The following PATJ variants were observed in gnomAD, a reference collection of about 807,000 sequenced individuals.
The protein encoded by PATJ is inaD-like protein.
PATJ carries 190 observed loss-of-function variants against 224.9 expected under a neutral mutation model. That is an observed-to-expected ratio of 0.84 (90% CI 0.75 to 0.95). The LOEUF (loss-of-function observed/expected upper bound fraction) is 0.95, where lower values mean the gene tolerates loss of function less well. Ranked by LOEUF, PATJ falls within the 40% of genes least tolerant of loss-of-function variation. PATJ has a pLI of 0.00. For missense variants in PATJ, 2,121 were observed against 2,270.3 expected, an observed-to-expected ratio of 0.93 and a Z score of 1.34; for synonymous variants, 769 against 820.3, an observed-to-expected ratio of 0.94 and a Z score of 1.07.
intron 31 of PATJ, among the ~76,000 whole-genome samples, chr1:62,063,454 AT>A (rs368989546): frequency 1.8e-3 from 266 of 148,222 alleles, no homozygotes; most frequent in South Asian, 3.4e-3. Flanking sequence ...CTCTGGCTTC[AT>A]TTTTTTTTTC....
chr1:61,870,964 T>C (rs1666244306), intron 20 of PATJ, among the ~76,000 whole-genome samples: 1 of 152,106 alleles, frequency 6.6e-6, no homozygotes, highest in Admixed American at 6.5e-5. Flanking sequence ...TCCTAACAAT[T>C]AGTGATATTG....
Position 61,864,534 on chromosome 1 carries a change from G to A in PATJ, c.2736G>A (p.Trp912Ter). ...ATGAACTTCACTTTGGTACACAGTG[G>A]TTGCATGATAATGAACCATCCGAGT... ...SVNELHFGTQ[W>*]LHDNEPSESQ... The change falls in exon 20 of 44, where the codon TGG (tryptophan) becomes TGA (stop). Residue 912 changes from tryptophan to a stop codon, truncating the protein, a stop_gained. Transcript: ENST00000642238. LOFTEE classifies it high-confidence loss of function. The A allele has an allele frequency of 6.2e-7, 1 of 1,613,614 alleles. No homozygotes were observed. Among genetic ancestry groups the A allele is most frequent in the Non-Finnish European group, 8.5e-7 (1 of 1,179,750 alleles).
chr1:62,163,546 C>T lies in PATJ; in HGVS notation c.*2492C>T, dbSNP rs543122276. Reference sequence around the variant, plus strand: ...TTCTTTATACATTATCCTTTTAGGTCGTGCTAGTAAAAGTATATTGATGAA... The same window carrying T: ...TTCTTTATACATTATCCTTTTAGGTTGTGCTAGTAAAAGTATATTGATGAA... On this transcript the variant is annotated 3_prime_UTR_variant, in exon 44 of 44. Coordinates refer to ENST00000642238, the MANE Select transcript of PATJ (RefSeq NM_001350145.3). 2 of 152,634 alleles carry T rather than the reference C, an allele frequency of 1.3e-5. No individual in the cohort carries two copies. Among genetic ancestry groups the T allele is most frequent in the East Asian group, 1.9e-4 (1 of 5,188 alleles). 9.5% of individuals were successfully genotyped at this position (152,634 alleles called of 1,614,324 possible). A position where few individuals can be genotyped will look rare whatever the true frequency, so the allele number is the denominator to read the frequency against.
chr1:61,776,850 C>T (rs541108656), intron 7 of PATJ, among the ~76,000 whole-genome samples: 2 of 152,030 alleles, frequency 1.3e-5, no homozygotes, highest in South Asian at 2.1e-4. Flanking sequence ...CTCAGCCTCC[C>T]GAGTAGCTGG....
rs993856907 is a variant in PATJ at position 61,875,386 on chromosome 1, C to T, written c.2959+20C>T. ...ATTTAGGTTTGTGACTTTTGTTTCTCATAAACACAAATTACATTATTTTGC... is the reference window on the plus strand; with the variant it reads ...ATTTAGGTTTGTGACTTTTGTTTCTTATAAACACAAATTACATTATTTTGC... On this transcript the variant is annotated intron_variant, in intron 21 of 43. Transcript: ENST00000642238. 13 of 1,582,812 alleles carry T rather than the reference C, an allele frequency of 8.2e-6. No homozygotes were observed. Among genetic ancestry groups the T allele is most frequent in the African/African-American group, 1.4e-5 (1 of 73,310 alleles).
At position 61,864,418 on chromosome 1, in the gene PATJ, G is replaced by A; in HGVS notation, c.2620G>A (p.Glu874Lys). 6.2e-7 allele frequency: 1 copy of A among 1,613,714 alleles called. No homozygotes were observed. The highest frequency in any genetic ancestry group is 8.5e-7 in the Non-Finnish European group (1 of 1,179,602). ...MDEEREILVD[E>K]EYELYQDPSP... is the part of the protein sequence containing the mutation. ...TGAAGAAAGAGAAATTCTTGTTGAT[G>A]AAGAATATGAGTTATATCAAGATCC... The change falls in exon 20 of 44, where the codon GAA becomes AAA. Residue 874 changes from glutamate to lysine, a missense_variant. Transcript: ENST00000642238.
At chr1:61,787,194 G>A (rs1648738611) in intron 7 of PATJ, among the ~76,000 whole-genome samples, 1 of 152,172 alleles carries the variant, frequency 6.6e-6, no homozygotes. Flanking sequence ...GTCAGGTAAT[G>A]TCACTCCTCT....
intron 14 of PATJ, among the ~76,000 whole-genome samples, chr1:61,810,041 G>A (rs1654395525): frequency 6.6e-6 from 1 of 151,350 alleles, no homozygotes; most frequent in Non-Finnish European, 1.5e-5. Context: ...GTAGAGATGG[G>A]GTTTCACCAT....
chr1:62,007,244 G>A (rs1646146326), intron 28 of PATJ, among the ~76,000 whole-genome samples: 1 of 152,112 alleles, frequency 6.6e-6, no homozygotes, highest in African/African-American at 2.4e-5. Flanking sequence ...CACCCCTAAG[G>A]TAAAATATTA....
intron 34 of PATJ, among the ~76,000 whole-genome samples, chr1:62,109,210 G>T (rs114630573): frequency 7.0e-6 from 1 of 142,732 alleles, no homozygotes; most frequent in Non-Finnish European, 1.5e-5. Context: ...TTTAGGCCAC[G>T]TTTTTTTTTT....
chr1:61,786,170 T>C (rs1648480896), intron 7 of PATJ, among the ~76,000 whole-genome samples: 1 of 152,314 alleles, frequency 6.6e-6, no homozygotes, highest in African/African-American at 2.4e-5. Flanking sequence ...TACAGGCATG[T>C]GCCATCACAC....
intron 27 of PATJ, among the ~76,000 whole-genome samples, chr1:61,988,604 G>A (rs1644893242): frequency 6.6e-6 from 1 of 152,116 alleles, no homozygotes; most frequent in South Asian, 2.1e-4. Context: ...ATTATTATTA[G>A]TAACAAGCTT....
chr1:61,979,811 T>C (rs1476070915), intron 27 of PATJ, among the ~76,000 whole-genome samples: 1 of 151,998 alleles, frequency 6.6e-6, no homozygotes, highest in Non-Finnish European at 1.5e-5. Context: ...AGTGGTAAGA[T>C]TGGACAAACG....
chr1:61,976,050 T>G (rs1005403755), intron 27 of PATJ, among the ~76,000 whole-genome samples: 2 of 152,072 alleles, frequency 1.3e-5, no homozygotes, highest in African/African-American at 4.8e-5. Flanking sequence ...CTTTGTCCCC[T>G]CTTCAAGTCA....
intron 28 of PATJ, among the ~76,000 whole-genome samples, chr1:62,010,655 T>C (rs1442872088): frequency 6.6e-6 from 1 of 152,200 alleles, no homozygotes. Flanking sequence ...TGTGTATATA[T>C]ACCACATTTT....
chr1:62,002,170 A>G (rs915774546), intron 28 of PATJ, among the ~76,000 whole-genome samples: 1 of 152,144 alleles, frequency 6.6e-6, no homozygotes, highest in Admixed American at 6.5e-5. Flanking sequence ...CTTTGGGATC[A>G]GGAGGCTTGA....
chr1:61,797,527 T>C lies in PATJ; in HGVS notation c.1402+99T>C. The C allele has an allele frequency of 3.0e-6, 3 of 1,008,284 alleles. No homozygotes were observed. The Admixed American group carries it at 5.8e-5, about 20-fold the overall frequency. 62.5% of individuals were successfully genotyped at this position (1,008,284 alleles called of 1,614,324 possible). A position where few individuals can be genotyped will look rare whatever the true frequency, so the allele number is the denominator to read the frequency against. On this transcript the variant is annotated intron_variant, in intron 11 of 43. Coordinates refer to ENST00000642238, the MANE Select transcript of PATJ (RefSeq NM_001350145.3). ...CCATGAGTCTCAGCAGGAAATGTTG[T>C]CCCACCTCGTGTAATACACTGATGG...
chr1:61,821,813 A>G (rs929593200), intron 14 of PATJ, among the ~76,000 whole-genome samples: 1 of 152,184 alleles, frequency 6.6e-6, no homozygotes, highest in African/African-American at 2.4e-5. Flanking sequence ...TGAGATTATA[A>G]GGCCACAATG....
At chr1:62,092,542 T>C (rs1159090018) in intron 33 of PATJ, among the ~76,000 whole-genome samples, 2 of 149,738 alleles carry the variant, frequency 1.3e-5, no homozygotes, top group African/African-American at 4.9e-5. Context: ...CAGCCTCCCA[T>C]GTAGCTGGGA....
Sources: allele counts gnomAD v4.1 joint callset (sites outside exome capture counted in the v4.1 genomes callset), GRCh38; gene constraint gnomAD v4.1.1; transcripts MANE v1.5; gene names NCBI Gene and HGNC (gene_info 2026-07-23, HGNC 2026-07-21).